ST7: variants seen among roughly 807,000 people sequenced by gnomAD.
ST7 encodes suppression of tumorigenicity 7, also known as suppressor of tumorigenicity 7 protein.
ST7 carries 28 observed loss-of-function variants against 78.7 expected under a neutral mutation model. The observed-to-expected ratio is 0.36, with a 90% CI of 0.26 to 0.49. ST7 has a LOEUF of 0.49. Among genes scored for constraint, ST7 ranks in the 20% least tolerant of loss-of-function variants. The probability of loss-of-function intolerance (pLI) is 0.99; values close to 1 mark genes in which losing one functional copy is unlikely to be tolerated. For missense variants in ST7, 418 were observed against 696.0 expected (o/e 0.60, Z 4.49); for synonymous variants, 247 against 249.6 (o/e 0.99, Z 0.10).
In ST7 at chr7:116,986,170, G is replaced by A. The variant is rs565802079; in HGVS notation, c.151+32479G>A. Among the ~76,000 whole-genome samples, 13 of 152,322 alleles carry A rather than the reference G, an allele frequency of 8.5e-5. No homozygotes were observed. The East Asian group carries it at 1.9e-3, about 23-fold the overall frequency. ...TTTTCAGAATTTCTCAACACTAAGA[G>A]CATTCTGGGTTGTGTGAGTAGAGTC... On this transcript the variant is annotated intron_variant, in intron 1 of 15. Transcript: ENST00000323984.
chr7:117,214,497 C>A (rs896427195), intron 13 of ST7, among the ~76,000 whole-genome samples: 1 of 152,160 alleles, frequency 6.6e-6, no homozygotes, highest in Non-Finnish European at 1.5e-5. Flanking sequence ...TTTCCTCTAA[C>A]CAAACCTTTC....
At chr7:117,006,758 T>G (rs1228529331) in intron 1 of ST7, among the ~76,000 whole-genome samples, 1 of 152,248 alleles carries the variant, frequency 6.6e-6, no homozygotes, top group African/African-American at 2.4e-5. Context: ...ATTTTTCCAA[T>G]GGCACATGCT....
intron 3 of ST7, among the ~76,000 whole-genome samples, chr7:117,125,836 A>G (rs1803789414): frequency 6.6e-6 from 1 of 152,018 alleles, no homozygotes. Context: ...GAAAAATCTA[A>G]CTGATGGATT....
chr7:117,189,663 A>C (rs1584551285), intron 11 of ST7, among the ~76,000 whole-genome samples: 1 of 150,084 alleles, frequency 6.7e-6, no homozygotes, highest in East Asian at 2.0e-4. Flanking sequence ...GACAGTAGAT[A>C]CCAAAACACC....
chr7:117,176,435 A>G (rs1238906085), intron 10 of ST7, among the ~76,000 whole-genome samples: 1 of 152,222 alleles, frequency 6.6e-6, no homozygotes, highest in South Asian at 2.1e-4. Flanking sequence ...TAGATTGAAA[A>G]CAGAAGTTCT....
chr7:116,988,364 G>A (rs76809446), intron 1 of ST7, among the ~76,000 whole-genome samples: 2,016 of 152,234 alleles, frequency 0.013, 42 homozygotes, highest in African/African-American at 0.042. Flanking sequence ...ATGACACTGA[G>A]GGATATTTTC....
intron 13 of ST7, among the ~76,000 whole-genome samples, chr7:117,212,792 A>G (rs1792398298): frequency 6.6e-6 from 1 of 152,208 alleles, no homozygotes; most frequent in Non-Finnish European, 1.5e-5. Flanking sequence ...TTAAAAAATA[A>G]TATCTCATTA....
chr7:117,191,420 TG>T (rs759029886), intron 12 of ST7, among the ~76,000 whole-genome samples: 2 of 152,224 alleles, frequency 1.3e-5, no homozygotes, highest in Non-Finnish European at 2.9e-5. Context: ...TATTTTGCTT[TG>T]TACCATTTTA....
intron 1 of ST7, among the ~76,000 whole-genome samples, chr7:117,004,301 G>A (rs902588426): frequency 3.3e-5 from 5 of 152,122 alleles, no homozygotes; most frequent in Non-Finnish European, 7.3e-5. Context: ...CCTTGCCTTC[G>A]TGTTATCCAC....
chr7:117,018,195 T>C (rs963858945), intron 1 of ST7, among the ~76,000 whole-genome samples: 1 of 152,232 alleles, frequency 6.6e-6, no homozygotes, highest in Non-Finnish European at 1.5e-5. Context: ...CTCTTTTCCC[T>C]CTTGCCTTTC....
intron 1 of ST7, among the ~76,000 whole-genome samples, chr7:117,004,183 T>C (rs1047849731): frequency 6.6e-6 from 1 of 152,218 alleles, no homozygotes; most frequent in Non-Finnish European, 1.5e-5. Context: ...CTTTTGGATA[T>C]GTAACAGTAA....
intron 1 of ST7, among the ~76,000 whole-genome samples, chr7:117,080,156 A>G (rs569737813): frequency 4.0e-5 from 6 of 150,944 alleles, no homozygotes; most frequent in Non-Finnish European, 7.4e-5. Flanking sequence ...AATTTTTTGT[A>G]TTTTTAGTAG....
intron 9 of ST7, among the ~76,000 whole-genome samples, chr7:117,159,162 A>C (rs1341402252): frequency 6.6e-6 from 1 of 152,258 alleles, no homozygotes; most frequent in African/African-American, 2.4e-5. Context: ...GAGAAAAAGC[A>C]TACAGACCGT....
chr7:117,111,425 T>C (rs1449297383), intron 2 of ST7, among the ~76,000 whole-genome samples: 1 of 152,182 alleles, frequency 6.6e-6, no homozygotes, highest in Non-Finnish European at 1.5e-5. Flanking sequence ...TTTGATTTCT[T>C]TGGAAGAGAG....
intron 1 of ST7, chr7:116,966,247 C>CTTTTTT (rs374887005): frequency 2.2e-5 from 4 of 178,562 alleles, no homozygotes; most frequent in Non-Finnish European, 3.4e-5. Flanking sequence ...TTTTTTCTTT[C>CTTTTTT]TTTTTTTTTT....
intron 2 of ST7, among the ~76,000 whole-genome samples, chr7:117,105,256 G>A (rs1186601791): frequency 6.6e-6 from 1 of 152,162 alleles, no homozygotes; most frequent in Non-Finnish European, 1.5e-5. Context: ...CTCATATATG[G>A]GAGTTTAAAA....
At chr7:117,019,443 A>G (rs1563015640) in intron 1 of ST7, among the ~76,000 whole-genome samples, 1 of 152,166 alleles carries the variant, frequency 6.6e-6, no homozygotes, top group Non-Finnish European at 1.5e-5. Flanking sequence ...TAGATCAAAA[A>G]GAAATGGGTT....
At chr7:117,167,600 A>G (rs1401744817) in intron 9 of ST7, among the ~76,000 whole-genome samples, 1 of 152,070 alleles carries the variant, frequency 6.6e-6, no homozygotes, top group Admixed American at 6.5e-5. Flanking sequence ...AGTCATCCCC[A>G]TGGAGATGCT....
intron 15 of ST7, among the ~76,000 whole-genome samples, chr7:117,225,022 C>A (rs916763412): frequency 6.6e-6 from 1 of 152,166 alleles, no homozygotes; most frequent in Non-Finnish European, 1.5e-5. Flanking sequence ...GTCAAGCACT[C>A]CCCTGGTGAT....
Sources: gnomAD v4.1 joint callset for allele counts (sites outside exome capture counted in the v4.1 genomes callset) on GRCh38, gnomAD v4.1.1 for gene constraint, MANE v1.5 for transcripts, NCBI Gene and HGNC (gene_info 2026-07-23, HGNC 2026-07-21) for gene names.